The following DSE variants were observed in gnomAD, a reference collection of about 807,000 sequenced individuals.
DSE encodes the protein dermatan-sulfate epimerase.
In DSE, 36 loss-of-function variants were observed where a neutral mutation model predicts 84.4. That is an observed-to-expected ratio of 0.43 (90% CI 0.33 to 0.56). The LOEUF is 0.56. Among genes scored for constraint, DSE ranks in the 20% least tolerant of loss-of-function variants. DSE has a pLI of 0.06. For missense variants in DSE, 862 were observed against 1,169.6 expected, an observed-to-expected ratio of 0.74 and a Z score of 3.84; for synonymous variants, 410 against 430.1, an observed-to-expected ratio of 0.95 and a Z score of 0.58.
intron 2 of DSE, among the ~76,000 whole-genome samples, chr6:116,292,684 AAAC>A (rs1425505193): frequency 3.3e-5 from 5 of 152,168 alleles, no homozygotes; most frequent in Non-Finnish European, 7.3e-5. Flanking sequence ...AAAAAAAAGA[AAAC>A]AAACTGAATG....
At chr6:116,370,927 C>G, upstream of DSE, 1 of 985,444 alleles carries the variant, frequency 1.0e-6, no homozygotes. Context: ...CACCTACCCG[C>G]CCCCGCCGGC....
chr6:116,285,512 T>C (rs1773837938), intron 2 of DSE, among the ~76,000 whole-genome samples: 1 of 152,132 alleles, frequency 6.6e-6, no homozygotes, highest in African/African-American at 2.4e-5. Flanking sequence ...TGTGTAGAAG[T>C]TCTTTAGTTT....
At chr6:116,275,582 C>T (rs572904573) in intron 2 of DSE, among the ~76,000 whole-genome samples, 1 of 152,202 alleles carries the variant, frequency 6.6e-6, no homozygotes, top group South Asian at 2.1e-4. Context: ...GGGCTGATCA[C>T]GAGGTCAGGA....
chr6:116,281,210 T>G (rs1773507860), intron 2 of DSE, among the ~76,000 whole-genome samples: 1 of 151,988 alleles, frequency 6.6e-6, no homozygotes, highest in African/African-American at 2.4e-5. Flanking sequence ...TTGCTGGCTT[T>G]GAAGATGGAG....
intron 1 of DSE, among the ~76,000 whole-genome samples, chr6:116,390,813 G>A (rs1562275643): frequency 6.6e-6 from 1 of 152,110 alleles, no homozygotes; most frequent in Non-Finnish European, 1.5e-5. Flanking sequence ...AGTGACGTTT[G>A]TACACTCGTA....
chr6:116,410,167 A>G (rs1175443657), intron 2 of DSE, among the ~76,000 whole-genome samples: 1 of 152,230 alleles, frequency 6.6e-6, no homozygotes, highest in African/African-American at 2.4e-5. Flanking sequence ...AGAATATTAT[A>G]TGAATAAATG....
At position 116,402,408 on chromosome 6, in the gene DSE, C is replaced by T. The variant is rs543688933; in HGVS notation, c.416+2742C>T. Among the ~76,000 whole-genome samples, 4 of 152,252 alleles carry T rather than the reference C, an allele frequency of 2.6e-5. No individual in the cohort carries two copies. The East Asian group carries it at 5.8e-4, about 22-fold the overall frequency. On this transcript the variant is annotated intron_variant, in intron 2 of 5. Transcript: ENST00000644252. ...TTTCCAGATTAATTTTCTTAATTTG[C>T]GTGAGCATTAGTGTCCTGATGTATA...
At chr6:116,379,026 A>C (rs1048635911) in intron 1 of DSE, among the ~76,000 whole-genome samples, 1 of 152,198 alleles carries the variant, frequency 6.6e-6, no homozygotes, top group African/African-American at 2.4e-5. Flanking sequence ...GTTTTTATAA[A>C]TAGAATGCTA....
At position 116,410,699 on chromosome 6, in the gene DSE, A is replaced by C. The variant is rs1313580738; in HGVS notation, c.416+11033A>C. ...CAGTGAGCCAAGATCGCTCCACTGC[A>C]CTCCAGCCTGGGCGACAGAGCGAGA... is the stretch of plus-strand genomic sequence containing the variant. On this transcript the variant is annotated intron_variant, in intron 2 of 5. Transcript: ENST00000644252. Among the ~76,000 whole-genome samples, 3 of 133,834 alleles carry C rather than the reference A, an allele frequency of 2.2e-5. No homozygotes were observed. In the East Asian group the frequency reaches 7.5e-4, roughly 33 times the overall value. The allele number at this position is 133,834 out of a possible 152,430, so 87.8% of individuals were successfully genotyped here. A position where few individuals can be genotyped will look rare whatever the true frequency, so the allele number is the denominator to read the frequency against.
At position 116,436,687 on chromosome 6, in the gene DSE, C is replaced by G; in HGVS notation, c.2219C>G (p.Ala740Gly). 1.2e-6 allele frequency: 2 copies of G among 1,614,124 alleles called. No homozygotes were observed. The highest frequency in any genetic ancestry group is 1.7e-6 in the Non-Finnish European group (2 of 1,180,008). Residue 740 changes from alanine to glycine, a missense_variant, in exon 6 of 6, where the codon GCT (alanine) becomes GGT (glycine). Ala to Gly is a moderately conservative substitution (Grantham distance 60). Coordinates refer to ENST00000644252, the MANE Select transcript of DSE (RefSeq NM_013352.4). The part of the protein sequence containing the change: ...SIVPEVKDYA[A>G]IVEQNLQHFK... ...GTCCCTGAGGTGAAGGACTATGCTGCTATTGTGGAACAGAACTTGCAGCAT... is the reference window on the plus strand; with the variant it reads ...GTCCCTGAGGTGAAGGACTATGCTGGTATTGTGGAACAGAACTTGCAGCAT...
intron 3 of DSE, 61 bp downstream of exon 3, chr6:116,426,888 TG>T: frequency 6.5e-7 from 1 of 1,546,144 alleles, no homozygotes; most frequent in Non-Finnish European, 8.7e-7. Flanking sequence ...TGCCATGTTG[TG>T]AGCAAAGCAT....
intron 1 of DSE, among the ~76,000 whole-genome samples, chr6:116,375,907 G>A (rs1779896087): frequency 6.6e-6 from 1 of 151,908 alleles, no homozygotes; most frequent in Non-Finnish European, 1.5e-5. Flanking sequence ...GTATGGAAAT[G>A]GAAATACTAA....
At chr6:116,299,541 TATATATATATACAC>T (rs1268350806) in intron 2 of DSE, among the ~76,000 whole-genome samples, 1,525 of 24,148 alleles carry the variant, frequency 0.063, 81 homozygotes, top group East Asian at 0.19. Context: ...TATATATATA[TATATATATATACAC>T]ATACACACAC....
chr6:116,388,548 G>T (rs186545669), intron 1 of DSE, among the ~76,000 whole-genome samples: 87 of 152,252 alleles, frequency 5.7e-4, no homozygotes, highest in Admixed American at 2.2e-3. Context: ...TGGTGATACA[G>T]AATTAAAGAT....
chr6:116,278,123 A>G (rs1773253139), intron 2 of DSE: 2 of 296,106 alleles, frequency 6.8e-6, no homozygotes, highest in South Asian at 6.4e-5. Context: ...ATACTGCTCA[A>G]TGCAGAGCTG....
At chr6:116,256,051 A>G (rs1275191549) in intron 1 of DSE, 1 of 152,248 alleles carries the variant, frequency 6.6e-6, no homozygotes, top group Non-Finnish European at 1.5e-5. Flanking sequence ...TAAATACATT[A>G]GATTTTATAA....
upstream of DSE, among the ~76,000 whole-genome samples, chr6:116,369,373 T>C (rs150246895): frequency 3.0e-3 from 454 of 152,346 alleles, 1 homozygote; most frequent in Non-Finnish European, 4.7e-3. Flanking sequence ...GCTAGACACT[T>C]TCACAATTTA....
At chr6:116,259,817 A>T (rs1772330028) in intron 2 of DSE, among the ~76,000 whole-genome samples, 1 of 152,186 alleles carries the variant, frequency 6.6e-6, no homozygotes, top group African/African-American at 2.4e-5. Context: ...AAAGGACATG[A>T]TCTCATTCTT....
At chr6:116,399,090 A>T in intron 1 of DSE, 108 bp from the exon 2 acceptor site, 1 of 904,820 alleles carries the variant, frequency 1.1e-6, no homozygotes, top group Non-Finnish European at 1.6e-6. Flanking sequence ...AAAAATCTAA[A>T]TTCATAAGCT....
Sources: allele counts gnomAD v4.1 joint callset (sites outside exome capture counted in the v4.1 genomes callset), GRCh38; gene constraint gnomAD v4.1.1; transcripts MANE v1.5; gene names NCBI Gene and HGNC (gene_info 2026-07-23, HGNC 2026-07-21).